The following EHBP1 variants were observed in gnomAD, a reference collection of about 807,000 sequenced individuals.
EHBP1 encodes EH domain-binding protein 1.
In EHBP1, 55 loss-of-function variants were observed where a neutral mutation model predicts 144.0. The ratio of observed to expected loss-of-function variants is 0.38; its 90% CI spans 0.31 to 0.48. The LOEUF (loss-of-function observed/expected upper bound fraction) is 0.48, where lower values mean the gene tolerates loss of function less well. EHBP1 is among the 20% of genes least tolerant of loss of function. EHBP1 has a pLI of 0.98. For missense variants in EHBP1, 1,200 were observed against 1,364.2 expected, an observed-to-expected ratio of 0.88 and a Z score of 1.90; for synonymous variants, 469 against 472.7, an observed-to-expected ratio of 0.99 and a Z score of 0.10.
At chr2:62,678,411 T>A (rs762518096) in intron 1 of EHBP1, among the ~76,000 whole-genome samples, 4 of 152,184 alleles carry the variant, frequency 2.6e-5, no homozygotes, top group Non-Finnish European at 1.5e-5. Flanking sequence ...AGTTTGCAAA[T>A]CTTTTCTCTC....
intron 14 of EHBP1, among the ~76,000 whole-genome samples, chr2:62,963,606 G>T (rs542473060): frequency 1.3e-5 from 2 of 151,956 alleles, no homozygotes; most frequent in African/African-American, 2.4e-5. Context: ...TTAAAATTTC[G>T]TATTTTTCCT....
chr2:62,820,632 A>T (rs552982298), intron 5 of EHBP1, among the ~76,000 whole-genome samples: 27 of 150,370 alleles, frequency 1.8e-4, no homozygotes, highest in African/African-American at 6.6e-4. Flanking sequence ...TTTTCCACTT[A>T]CCATAATGTC....
At chr2:62,901,276 T>A (rs1248876995) in intron 10 of EHBP1, among the ~76,000 whole-genome samples, 1 of 152,206 alleles carries the variant, frequency 6.6e-6, no homozygotes, top group Non-Finnish European at 1.5e-5. Context: ...CTTACTTTAA[T>A]CTTCCTATTA....
intron 2 of EHBP1, among the ~76,000 whole-genome samples, chr2:62,735,215 G>A (rs1475301012): frequency 6.6e-6 from 1 of 151,946 alleles, no homozygotes. Flanking sequence ...TTTTAATTGA[G>A]CATTTTATAT....
At chr2:62,717,760 T>G (rs2035828718) in intron 2 of EHBP1, among the ~76,000 whole-genome samples, 1 of 152,210 alleles carries the variant, frequency 6.6e-6, no homozygotes, top group South Asian at 2.1e-4. Flanking sequence ...ACAAACACTT[T>G]AAAATTTGAT....
At chr2:63,039,142 C>G (rs748077572) in intron 21 of EHBP1, among the ~76,000 whole-genome samples, 2 of 152,128 alleles carry the variant, frequency 1.3e-5, no homozygotes, top group Non-Finnish European at 2.9e-5. Flanking sequence ...GTTGTTTCCA[C>G]TCGGGAGGTT....
chr2:62,879,188 T>G (rs1226125380), intron 10 of EHBP1, among the ~76,000 whole-genome samples: 1 of 152,098 alleles, frequency 6.6e-6, no homozygotes, highest in Non-Finnish European at 1.5e-5. Context: ...AACACCATAC[T>G]GAATGGGCAA....
intron 3 of EHBP1, among the ~76,000 whole-genome samples, chr2:62,761,790 C>T (rs950716694): frequency 1.3e-5 from 2 of 152,144 alleles, no homozygotes; most frequent in African/African-American, 2.4e-5. Flanking sequence ...CTGAATATTT[C>T]CCATCAGCAT....
At chr2:62,831,196 T>C in intron 7 of EHBP1, 38 bp downstream of exon 7, 1 of 1,551,522 alleles carries the variant, frequency 6.4e-7, no homozygotes, top group Non-Finnish European at 8.7e-7. Flanking sequence ...GTTTATCTTT[T>C]GTTGCAGAGT....
intron 10 of EHBP1, among the ~76,000 whole-genome samples, chr2:62,891,826 T>C (rs1304693464): frequency 6.6e-6 from 1 of 152,134 alleles, no homozygotes; most frequent in African/African-American, 2.4e-5. Context: ...TTCCAATAAT[T>C]AGCATTCAGC....
intron 9 of EHBP1, among the ~76,000 whole-genome samples, chr2:62,873,031 T>A (rs1323724375): frequency 6.6e-6 from 1 of 152,202 alleles, no homozygotes; most frequent in Non-Finnish European, 1.5e-5. Context: ...TGTGGAGATA[T>A]TAATTTTCTT....
chr2:62,910,495 TG>T (rs1291830752), intron 10 of EHBP1, among the ~76,000 whole-genome samples: 5 of 152,196 alleles, frequency 3.3e-5, no homozygotes, highest in African/African-American at 4.8e-5. Flanking sequence ...TCTTCCTTTC[TG>T]GCAGGTGTTG....
chr2:62,676,604 G>T (rs1230359963), intron 1 of EHBP1, among the ~76,000 whole-genome samples: 1 of 152,194 alleles, frequency 6.6e-6, no homozygotes, highest in Non-Finnish European at 1.5e-5. Context: ...CCACATGGGG[G>T]TTGTCAAATT....
chr2:62,792,760 G>C (rs1250627173), intron 5 of EHBP1, among the ~76,000 whole-genome samples: 1 of 151,964 alleles, frequency 6.6e-6, no homozygotes, highest in Non-Finnish European at 1.5e-5. Context: ...GTATCCAATT[G>C]ATTTCACTCT....
chr2:62,709,819 C>T lies in EHBP1; in HGVS notation c.104+2524C>T, dbSNP rs562819963. 5.8e-4 allele frequency among the ~76,000 whole-genome samples: 88 copies of T among 151,924 alleles called. No homozygotes were observed. The Middle Eastern group carries it at 0.01, about 18-fold the overall frequency. On this transcript the variant is annotated intron_variant, in intron 2 of 22. Transcript: ENST00000431489. ...TAGAACTTACATCTAGAACTTAATA[C>T]CAGAATTATTTATACCAGTTCTAGA...
At chr2:63,020,318 T>G (rs1199333468) in intron 19 of EHBP1, among the ~76,000 whole-genome samples, 1 of 128,656 alleles carries the variant, frequency 7.8e-6, no homozygotes, top group Non-Finnish European at 1.6e-5. Flanking sequence ...AGTGAGACTC[T>G]GTCTCAAAAA....
At chr2:62,841,450 C>T (rs1164142375) in intron 7 of EHBP1, among the ~76,000 whole-genome samples, 1 of 151,380 alleles carries the variant, frequency 6.6e-6, no homozygotes, top group East Asian at 1.9e-4. Flanking sequence ...TGTAACTAAC[C>T]TGCACAATGT....
chr2:62,761,487 A>G (rs2040765239), intron 3 of EHBP1, among the ~76,000 whole-genome samples: 1 of 152,216 alleles, frequency 6.6e-6, no homozygotes, highest in African/African-American at 2.4e-5. Flanking sequence ...TAAGATTTGC[A>G]TGGACCTAAG....
chr2:62,757,831 A>G (rs2040435532), intron 3 of EHBP1, among the ~76,000 whole-genome samples: 6 of 152,026 alleles, frequency 3.9e-5, no homozygotes, highest in Admixed American at 3.9e-4. Context: ...TTTAGAATTG[A>G]CACCCAGATA....
Sources: gnomAD v4.1 joint callset for allele counts (sites outside exome capture counted in the v4.1 genomes callset) on GRCh38, gnomAD v4.1.1 for gene constraint, MANE v1.5 for transcripts, NCBI Gene and HGNC (gene_info 2026-07-23, HGNC 2026-07-21) for gene names.